Variants in C5 observed in about 807,000 individuals in gnomAD.
The protein encoded by C5 is C3 and PZP-like alpha-2-macroglobulin domain-containing protein 4.
Under a neutral mutation model 218.8 loss-of-function variants are expected in C5, and 140 were observed. That is an observed-to-expected ratio of 0.64 (90% CI 0.56 to 0.74). The LOEUF (loss-of-function observed/expected upper bound fraction) is 0.74. Among genes scored for constraint, C5 ranks in the 30% least tolerant of loss-of-function variants. The pLI is 0.00. For synonymous variants in C5, 614 were observed against 682.3 expected (o/e 0.90, Z 1.56); for missense variants, 1,700 against 1,969.6 (o/e 0.86, Z 2.59).
At position 121,015,282 on chromosome 9, in the gene C5, T is replaced by A. The variant is rs371915842; in HGVS notation, c.1997-21A>T. ...TTCATCTGGTTTTTTTAAAAAAAGA[T>A]AAAGAAGAAGGATTAAAAAGGAGAT... On this transcript the variant is annotated intron_variant, in intron 15 of 40. Coordinates refer to ENST00000223642, the MANE Select transcript of C5 (RefSeq NM_001735.3). The A allele has an allele frequency of 4.6e-6, 7 of 1,531,092 alleles. No homozygotes were observed. The Admixed American group carries it at 5.0e-5, about 11-fold the overall frequency. The allele number at this position is 1,531,092 out of a possible 1,614,324, so 94.8% of individuals were successfully genotyped here.
At chr9:121,045,366 A>G (rs2047618352) in intron 2 of C5, among the ~76,000 whole-genome samples, 1 of 152,204 alleles carries the variant, frequency 6.6e-6, no homozygotes, top group African/African-American at 2.4e-5. Context: ...ATACTTAAAT[A>G]TATACAAACT....
intron 15 of C5, 86 bp downstream of exon 15, chr9:121,016,168 G>C: frequency 6.6e-7 from 1 of 1,524,290 alleles, no homozygotes; most frequent in South Asian, 1.1e-5. Flanking sequence ...TCAGGGTACA[G>C]AATATTTGGG....
chr9:121,025,367 G>T (rs1348010208), intron 9 of C5, 87 bp downstream of exon 9: 3 of 1,299,768 alleles, frequency 2.3e-6, no homozygotes, highest in Non-Finnish European at 3.0e-6. Context: ...ATAGAAATTG[G>T]AAATTATTTA....
Position 121,013,939 on chromosome 9 carries a change from A to T in C5, c.2191T>A (p.Cys731Ser). The T allele has an allele frequency of 6.2e-7, 1 of 1,614,144 alleles. No homozygotes were observed. ...GPRCIKAFTE[C>S]CVVASQLRAN... Reference sequence around the variant, plus strand: ...CGGAGCTGGCTTGCGACGACACAACATTCAGTGAAAGCTTTGATGCATCTT... The same window carrying T: ...CGGAGCTGGCTTGCGACGACACAACTTTCAGTGAAAGCTTTGATGCATCTT... Residue 731 changes from cysteine (C) to serine (S), a missense_variant, in exon 17 of 41, where the codon TGT becomes AGT. Cys to Ser is a moderately radical substitution (Grantham distance 112, BLOSUM62 -1). Coordinates refer to ENST00000223642, the MANE Select transcript of C5 (RefSeq NM_001735.3).
chr9:120,953,630 G>A (rs2046763221), intron 40 of C5, 100 bp downstream of exon 40: 1 of 1,191,030 alleles, frequency 8.4e-7, no homozygotes, highest in Admixed American at 1.7e-5. Context: ...ATGGTTTGTT[G>A]GTTAAGAGCA....
intron 3 of C5, among the ~76,000 whole-genome samples, chr9:121,039,854 G>A (rs981037661): frequency 2.6e-5 from 4 of 152,002 alleles, no homozygotes; most frequent in African/African-American, 9.7e-5. Flanking sequence ...AGCCAGGATG[G>A]TCTCGATCTC....
the C5 span, among the ~76,000 whole-genome samples, chr9:121,059,163 T>G: frequency 6.6e-6 from 1 of 152,226 alleles, no homozygotes; most frequent in Non-Finnish European, 1.5e-5. This position sits in a 1 kb window ranked among gnomAD's most constrained non-coding sequence, Gnocchi z 4.1. Context: ...AGCAGTGGGT[T>G]GGAATAGCAT....
At chr9:121,045,749 A>G (rs1480166137) in intron 2 of C5, among the ~76,000 whole-genome samples, 1 of 152,162 alleles carries the variant, frequency 6.6e-6, no homozygotes, top group East Asian at 1.9e-4. Context: ...TAGTAATCAC[A>G]AATTTTTTAG....
Position 121,025,488 on chromosome 9 carries a change from G to T in C5, c.966C>A (p.Tyr322Ter), listed in dbSNP as rs1325181691. 1.9e-6 allele frequency: 3 copies of T among 1,608,598 alleles called. No homozygotes were observed. The highest frequency in any genetic ancestry group is 2.5e-6 in the Non-Finnish European group (3 of 1,178,140). The change falls in exon 9 of 41, where the codon TAC becomes TAA. Residue 322 changes from tyrosine to a stop codon, truncating the protein, a stop_gained. Coordinates refer to ENST00000223642, the MANE Select transcript of C5 (RefSeq NM_001735.3). LOFTEE classifies it high-confidence loss of function. ...YYSLEDLNNK[Y>*]LYIAVTVIES... ...CTATGACTGTTACAGCAATATAAAG[G>T]TACTTGTTGTTTAAATCTTCTAAAC...
At chr9:121,008,669 C>T (rs1056041044) in intron 17 of C5, among the ~76,000 whole-genome samples, 171 bp from the exon 18 acceptor site, 5 of 152,072 alleles carry the variant, frequency 3.3e-5, no homozygotes, top group African/African-American at 1.2e-4. Context: ...GTGGCTCATG[C>T]CTGTAATCCC....
chr9:120,957,148 A>G (rs2046792003), intron 39 of C5, 137 bp downstream of exon 39: 1 of 667,682 alleles, frequency 1.5e-6, no homozygotes, highest in Non-Finnish European at 2.8e-6. Flanking sequence ...TTTCTCCCCA[A>G]GTAGAATATA....
chr9:121,052,642 A>G (rs2047678370), upstream of C5, among the ~76,000 whole-genome samples: 1 of 151,924 alleles, frequency 6.6e-6, no homozygotes, highest in Admixed American at 6.6e-5. Flanking sequence ...ATTGAGCCCA[A>G]ATGACCTAGC....
rs867607602 is a variant in C5 at position 121,030,461 on chromosome 9, C to T, written c.694G>A (p.Glu232Lys). The change falls in exon 7 of 41, where the codon GAG becomes AAG. Residue 232 changes from glutamate to lysine, a missense_variant. Glu to Lys is a moderately conservative substitution (Grantham distance 56, BLOSUM62 1). Coordinates refer to ENST00000223642, the MANE Select transcript of C5 (RefSeq NM_001735.3). ...TAACCAATGAAATTATATTCTGGCTCGATTGAGACAGAAAAATGTGGCAAG... is the reference window on the plus strand; with the variant it reads ...TAACCAATGAAATTATATTCTGGCTTGATTGAGACAGAAAAATGTGGCAAG... ...YVLPHFSVSI[E>K]PEYNFIGYKN... The T allele has an allele frequency of 5.2e-6, 8 of 1,547,294 alleles. No homozygotes were observed. Among genetic ancestry groups the T allele is most frequent in the African/African-American group, 2.7e-5 (2 of 72,766 alleles).
chr9:120,958,367 G>A (rs2046801882), intron 38 of C5, among the ~76,000 whole-genome samples: 1 of 152,098 alleles, frequency 6.6e-6, no homozygotes, highest in Non-Finnish European at 1.5e-5. Flanking sequence ...GTCTTTTCTT[G>A]AAACAACACA....
In C5 at chr9:120,976,828, G is replaced by A. The variant is rs143353740; in HGVS notation, c.3736C>T (p.Arg1246Cys). 8.7e-6 allele frequency: 14 copies of A among 1,613,896 alleles called. No homozygotes were observed. Among genetic ancestry groups the A allele is most frequent in the African/African-American group, 2.7e-5 (2 of 74,910 alleles). Residue 1246 changes from arginine to cysteine, a missense_variant, in exon 29 of 41, where the codon CGT becomes TGT. Physicochemically the swap from Arg to Cys is radical, Grantham distance 180. Coordinates refer to ENST00000223642, the MANE Select transcript of C5 (RefSeq NM_001735.3). ...DSSVPNTGTARMVETTAYALL... is the reference protein window; with the variant it reads ...DSSVPNTGTACMVETTAYALL... ...GCATAGGCAGTTGTTTCTACCATACGTGCCGTACCAGTGTTAGGTACAGAG... is the reference window on the plus strand; with the variant it reads ...GCATAGGCAGTTGTTTCTACCATACATGCCGTACCAGTGTTAGGTACAGAG...
chr9:120,985,153 T>C (rs2047024221), intron 25 of C5, among the ~76,000 whole-genome samples: 1 of 152,194 alleles, frequency 6.6e-6, no homozygotes, highest in African/African-American at 2.4e-5. Flanking sequence ...CTCTAGCTTT[T>C]TGCGTTCTCC....
At chr9:121,049,198 A>G (rs964770720) in intron 1 of C5, among the ~76,000 whole-genome samples, 3 of 152,216 alleles carry the variant, frequency 2.0e-5, no homozygotes, top group Admixed American at 2.0e-4. Context: ...AGAGAAAGTG[A>G]GGAAATAATT....
chr9:120,997,425 C>T, intron 21 of C5, 122 bp downstream of exon 21: 2 of 769,704 alleles, frequency 2.6e-6, no homozygotes, highest in Non-Finnish European at 4.3e-6. Flanking sequence ...GAATAACCTC[C>T]ATCCAGTTTC....
At chr9:120,956,294 A>C (rs560492039) in intron 39 of C5, among the ~76,000 whole-genome samples, 1 of 148,554 alleles carries the variant, frequency 6.7e-6, no homozygotes, top group East Asian at 2.0e-4. Flanking sequence ...ACGTCATTTC[A>C]AAAAAAAAAA....
Sources: allele counts gnomAD v4.1 joint callset (sites outside exome capture counted in the v4.1 genomes callset), GRCh38; gene constraint gnomAD v4.1.1; non-coding constraint Gnocchi (gnomAD v3.1); transcripts MANE v1.5; gene names NCBI Gene and HGNC (gene_info 2026-07-23, HGNC 2026-07-21).